Variants in CFAP44 observed in about 807,000 individuals in gnomAD.
CFAP44 encodes cilia and flagella associated protein 44, also known as cilia- and flagella-associated protein 44.
Under a neutral mutation model 216.2 loss-of-function variants are expected in CFAP44, and 134 were observed. That is an observed-to-expected ratio of 0.62 (90% CI 0.54 to 0.72). The LOEUF (loss-of-function observed/expected upper bound fraction) is 0.72, where lower values mean the gene tolerates loss of function less well. Ranked by LOEUF, CFAP44 falls within the 30% of genes least tolerant of loss-of-function variation. CFAP44 has a pLI of 0.00. For synonymous variants in CFAP44, 700 were observed against 727.6 expected (o/e 0.96, Z 0.61); for missense variants, 2,035 against 2,182.1 (o/e 0.93, Z 1.34).
chr3:113,306,366 T>C, intron 29 of CFAP44, 35 bp from the exon 30 acceptor site: 1 of 1,530,178 alleles, frequency 6.5e-7, no homozygotes, highest in Non-Finnish European at 8.7e-7. Context: ...CCAGCCTCAT[T>C]TGTTATGGAA....
intron 31 of CFAP44, 29 bp downstream of exon 31, chr3:113,305,007 G>A (rs367874518): frequency 5.9e-6 from 9 of 1,529,566 alleles, no homozygotes; most frequent in Non-Finnish European, 7.9e-6. Context: ...TTCTCGGACA[G>A]GATGGAGCAG....
intron 29 of CFAP44, 29 bp downstream of exon 29, chr3:113,308,129 C>A (rs1950003860): frequency 2.7e-6 from 4 of 1,499,058 alleles, no homozygotes; most frequent in Non-Finnish European, 3.6e-6. Flanking sequence ...TCACACTTCA[C>A]AGAGAACACG....
At chr3:113,334,656 T>G (rs1382647474) in intron 24 of CFAP44, among the ~76,000 whole-genome samples, 1 of 151,962 alleles carries the variant, frequency 6.6e-6, no homozygotes, top group Non-Finnish European at 1.5e-5. Context: ...CAAAATTAAT[T>G]AAAGGATTGA....
intron 2 of CFAP44, chr3:113,429,010 G>A (rs1214472073): frequency 6.6e-6 from 1 of 151,888 alleles, no homozygotes; most frequent in African/African-American, 2.4e-5. Context: ...ATGAGATTGA[G>A]AACACTATAA....
chr3:113,318,705 C>T (rs550354730), intron 28 of CFAP44, among the ~76,000 whole-genome samples: 10 of 152,110 alleles, frequency 6.6e-5, no homozygotes, highest in African/African-American at 2.4e-4. Flanking sequence ...CAGAGAGAAA[C>T]CCATCAGGCT....
At chr3:113,330,017 G>A in intron 26 of CFAP44, 151 bp downstream of exon 26, 2 of 890,496 alleles carry the variant, frequency 2.2e-6, no homozygotes, top group Non-Finnish European at 3.2e-6. Context: ...AGGATGGGGA[G>A]GAAGCCAAGC....
rs190950287 is a variant in CFAP44 at position 113,313,655 on chromosome 3, A to C, written c.4517-5387T>G. ...GACCTGGTGGGAAATAATTTGAATC[A>C]TGGGGGCGGTTTCCCCCATACTGTT... On this transcript the variant is annotated intron_variant, in intron 28 of 34. Transcript: ENST00000393845. 2.1e-3 allele frequency among the ~76,000 whole-genome samples: 318 copies of C among 152,228 alleles called. 4 individuals carry two copies. Among genetic ancestry groups the C allele is most frequent in the African/African-American group, 7.3e-3 (305 of 41,510 alleles).
intron 19 of CFAP44, 24 bp from the exon 20 acceptor site, chr3:113,363,556 T>A (rs199602135): frequency 2.0e-5 from 32 of 1,575,060 alleles, no homozygotes; most frequent in Non-Finnish European, 2.7e-5. Context: ...AGTAAAAGGT[T>A]AGCCCTTTAA....
chr3:113,381,042 T>C lies in CFAP44; in HGVS notation c.1909A>G (p.Ile637Val). The C allele has an allele frequency of 1.3e-6, 2 of 1,573,758 alleles. No homozygotes were observed. The highest frequency in any genetic ancestry group is 1.7e-6 in the Non-Finnish European group (2 of 1,163,978). ...PMSHPESTLL[I>V]ICENGYILEA... ...AGAATATAGCCATTTTCACAGATAA[T>C]TAGTAAAGTACTTTCAGGCTAAAAA... is the stretch of plus-strand genomic sequence containing the variant. The change falls in exon 16 of 35, where the codon ATT (isoleucine) becomes GTT (valine). Residue 637 changes from isoleucine to valine, a missense_variant. Ile to Val is a conservative substitution (Grantham distance 29). Around this residue, in one of 3 missense-constraint regions of CFAP44, gnomAD observed 1,883 missense variants for 2,023.7 expected, o/e 0.93. Coordinates refer to ENST00000393845, the MANE Select transcript of CFAP44 (RefSeq NM_001164496.2).
intron 2 of CFAP44, among the ~76,000 whole-genome samples, chr3:113,433,149 C>A (rs952429356): frequency 6.6e-6 from 1 of 152,096 alleles, no homozygotes; most frequent in Non-Finnish European, 1.5e-5. Flanking sequence ...TCTATTTTGG[C>A]CCAGCATGGT....
At chr3:113,431,834 G>A (rs915470227) in intron 2 of CFAP44, among the ~76,000 whole-genome samples, 1 of 152,116 alleles carries the variant, frequency 6.6e-6, no homozygotes, top group African/African-American at 2.4e-5. Flanking sequence ...ATCATATTTA[G>A]GATTAGAACC....
chr3:113,386,705 C>T (rs1933661357), intron 15 of CFAP44, among the ~76,000 whole-genome samples: 1 of 152,192 alleles, frequency 6.6e-6, no homozygotes, highest in Admixed American at 6.5e-5. Context: ...TAACAACTAT[C>T]TACACACACA....
intron 24 of CFAP44, 42 bp from the exon 25 acceptor site, chr3:113,333,625 A>C: frequency 6.9e-7 from 1 of 1,442,988 alleles, no homozygotes; most frequent in Non-Finnish European, 9.1e-7. Context: ...CAAATATGAC[A>C]ATAAACTCTA....
At chr3:113,371,124 A>G (rs989171704) in intron 18 of CFAP44, among the ~76,000 whole-genome samples, 1 of 152,236 alleles carries the variant, frequency 6.6e-6, no homozygotes, top group African/African-American at 2.4e-5. Flanking sequence ...ATGGATAGGA[A>G]GAATCAATAT....
chr3:113,350,410 G>C (rs147256606), intron 22 of CFAP44, among the ~76,000 whole-genome samples: 2,799 of 152,216 alleles, frequency 0.018, 93 homozygotes, highest in African/African-American at 0.063. Flanking sequence ...GACAGACAAA[G>C]AGGGAGTCAG....
chr3:113,288,482 AC>A lies in CFAP44; in HGVS notation c.*3074del, dbSNP rs1949796727. ...AAATAAGATACTGTGATTTCAGACA[AC>A]CTGGCATCACGGCCCAGAGCTCACT... On this transcript the variant is annotated 3_prime_UTR_variant, in exon 35 of 35. Coordinates refer to ENST00000393845, the MANE Select transcript of CFAP44 (RefSeq NM_001164496.2). 1 of 152,190 alleles carries A rather than the reference AC, an allele frequency of 6.6e-6. No individual in the cohort carries two copies. The highest frequency in any genetic ancestry group is 1.5e-5 in the Non-Finnish European group (1 of 68,056). 9.4% of individuals were successfully genotyped at this position (152,190 alleles called of 1,614,324 possible). A position where few individuals can be genotyped will look rare whatever the true frequency, so the allele number is the denominator to read the frequency against.
intron 2 of CFAP44, chr3:113,427,596 TAAAA>T (rs1934997127): frequency 3.0e-6 from 1 of 333,582 alleles, no homozygotes. Flanking sequence ...AAGTAAAAGA[TAAAA>T]AGAAAGAGGT....
At chr3:113,352,602 C>G (rs934992244) in intron 22 of CFAP44, among the ~76,000 whole-genome samples, 1 of 151,934 alleles carries the variant, frequency 6.6e-6, no homozygotes, top group Admixed American at 6.6e-5. Flanking sequence ...GCAGGAGAAA[C>G]CATTTACAAT....
At chr3:113,326,099 T>TGATC (rs1236042976) in intron 28 of CFAP44, among the ~76,000 whole-genome samples, 1 of 152,100 alleles carries the variant, frequency 6.6e-6, no homozygotes, top group Non-Finnish European at 1.5e-5. Context: ...AAAAAGCAAA[T>TGATC]GATCCTATTC....
Sources: allele counts gnomAD v4.1 joint callset (sites outside exome capture counted in the v4.1 genomes callset), GRCh38; gene constraint gnomAD v4.1.1; regional missense constraint gnomAD v4.1.1; transcripts MANE v1.5; gene names NCBI Gene and HGNC (gene_info 2026-07-23, HGNC 2026-07-21).